GRM1: variants seen among roughly 807,000 people sequenced by gnomAD.
The protein encoded by GRM1 is metabotropic glutamate receptor 1.
In GRM1, 33 loss-of-function variants were observed where a neutral mutation model predicts 90.9. The ratio of observed to expected loss-of-function variants is 0.36; its 90% CI spans 0.28 to 0.49. The LOEUF (loss-of-function observed/expected upper bound fraction) is 0.49, where lower values mean the gene tolerates loss of function less well. Ranked by LOEUF, GRM1 falls within the 20% of genes least tolerant of loss-of-function variation. The pLI is 0.99. For synonymous variants in GRM1, 700 were observed against 613.2 expected (o/e 1.14, Z -2.09); for missense variants, 1,190 against 1,534.3 (o/e 0.78, Z 3.75).
At chr6:146,356,303 G>A (rs577276192) in intron 4 of GRM1, among the ~76,000 whole-genome samples, 23 of 152,266 alleles carry the variant, frequency 1.5e-4, no homozygotes, top group South Asian at 2.1e-4. Flanking sequence ...AATGTCTTGC[G>A]CACAGTCCTG....
At position 146,399,625 on chromosome 6, in the gene GRM1, T is replaced by C. The variant is rs773909784; in HGVS notation, c.2586T>C (p.Asp862=). 6.8e-6 allele frequency: 11 copies of C among 1,613,806 alleles called. No individual in the cohort carries two copies. The highest frequency in any genetic ancestry group is 4.0e-5 in the African/African-American group (3 of 74,922). The change falls in exon 7 of 8, where the codon GAT becomes GAC. Residue 862 remains aspartate, a synonymous_variant. Transcript: ENST00000282753. This position sits in a 1 kb window ranked among gnomAD's most constrained non-coding sequence, Gnocchi z 5.4. ...TSDVVRMHVG[D]GKLPCRSNTF... is the part of the protein sequence containing the mutation. ...ATGTTGTCCGCATGCATGTTGGCGATGGCAAGCTGCCCTGCCGCTCCAACA... is the reference window on the plus strand; with the variant it reads ...ATGTTGTCCGCATGCATGTTGGCGACGGCAAGCTGCCCTGCCGCTCCAACA...
At chr6:146,275,456 C>T (rs1009989499) in intron 2 of GRM1, among the ~76,000 whole-genome samples, 42 of 152,094 alleles carry the variant, frequency 2.8e-4, no homozygotes, top group African/African-American at 6.5e-4. Flanking sequence ...TTCATGGACT[C>T]CTCAATCTCT....
At chr6:146,049,651 A>ATATCTATCTATCTATC (rs143624231) in intron 1 of GRM1, among the ~76,000 whole-genome samples, 1 of 147,472 alleles carries the variant, frequency 6.8e-6, no homozygotes, top group African/African-American at 2.5e-5. Context: ...ACCTCCTTTC[A>ATATCTATCTATCTATC]TATCTATCTA....
chr6:146,348,089 T>C (rs1785248461), intron 3 of GRM1, among the ~76,000 whole-genome samples: 1 of 152,236 alleles, frequency 6.6e-6, no homozygotes, highest in Non-Finnish European at 1.5e-5. Context: ...AATGATATCC[T>C]AGTGGTCCCA....
chr6:146,071,443 C>T (rs1041169780), intron 1 of GRM1, among the ~76,000 whole-genome samples: 11 of 152,164 alleles, frequency 7.2e-5, no homozygotes, highest in Non-Finnish European at 1.3e-4. Flanking sequence ...GCATTATCAA[C>T]TTCATGCTTA....
At chr6:146,389,734 T>C (rs1444720051) in intron 6 of GRM1, among the ~76,000 whole-genome samples, 1 of 152,158 alleles carries the variant, frequency 6.6e-6, no homozygotes, top group African/African-American at 2.4e-5. Flanking sequence ...ACAACAGGCA[T>C]GCAGCTGCGA....
chr6:146,218,499 T>A (rs1270198669), intron 2 of GRM1, among the ~76,000 whole-genome samples: 1 of 152,160 alleles, frequency 6.6e-6, no homozygotes, highest in African/African-American at 2.4e-5. Flanking sequence ...CTAAGGAAAC[T>A]TTGCAAAATC....
At chr6:146,317,029 C>T (rs1783998274) in intron 3 of GRM1, among the ~76,000 whole-genome samples, 1 of 152,196 alleles carries the variant, frequency 6.6e-6, no homozygotes, top group Admixed American at 6.5e-5. Flanking sequence ...GCCTCGCCTT[C>T]CAGACTTACT....
chr6:146,036,504 C>T (rs1479703160), intron 1 of GRM1, among the ~76,000 whole-genome samples: 1 of 151,876 alleles, frequency 6.6e-6, no homozygotes, highest in South Asian at 2.1e-4. Flanking sequence ...TAATTGTTCT[C>T]TATGAATGTC....
At chr6:146,244,819 G>A (rs923789089) in intron 2 of GRM1, among the ~76,000 whole-genome samples, 2 of 152,110 alleles carry the variant, frequency 1.3e-5, no homozygotes, top group African/African-American at 2.4e-5. Context: ...ACTCAGTTTG[G>A]GAAATAGAGC....
chr6:146,101,778 A>G (rs555248716), intron 1 of GRM1, among the ~76,000 whole-genome samples: 1 of 150,226 alleles, frequency 6.7e-6, no homozygotes, highest in South Asian at 2.1e-4. Context: ...CTATACTTAT[A>G]GCTATAATTA....
Position 146,436,643 on chromosome 6 carries a change from A to T in GRM1, c.*1847A>T, listed in dbSNP as rs1778603789. 1 of 152,528 alleles carries T rather than the reference A, an allele frequency of 6.6e-6. No homozygotes were observed. Among genetic ancestry groups the T allele is most frequent in the Non-Finnish European group, 1.5e-5 (1 of 67,998 alleles). The allele number at this position is 152,528 out of a possible 1,614,324, so 9.4% of individuals were successfully genotyped here. On this transcript the variant is annotated 3_prime_UTR_variant, in exon 8 of 8. Transcript: ENST00000282753. ...ATTTGCTGTTGTGTAATATCCATGG[A>T]CATGTAATCCACTTACTCCATCTTT... is the stretch of plus-strand genomic sequence containing the variant.
At chr6:146,129,204 G>A (rs2128879711) in intron 1 of GRM1, among the ~76,000 whole-genome samples, 1 of 152,134 alleles carries the variant, frequency 6.6e-6, no homozygotes, top group African/African-American at 2.4e-5. Context: ...TAACCAAATA[G>A]CAATATATGT....
intron 1 of GRM1, among the ~76,000 whole-genome samples, chr6:146,109,910 G>A (rs1324294682): frequency 2.0e-5 from 3 of 152,188 alleles, no homozygotes; most frequent in Non-Finnish European, 4.4e-5. Flanking sequence ...CATGGGGCCT[G>A]TAGCCCCTTG....
chr6:146,236,770 G>A (rs1255243284), intron 2 of GRM1, among the ~76,000 whole-genome samples: 5 of 150,846 alleles, frequency 3.3e-5, no homozygotes, highest in Non-Finnish European at 7.4e-5. Flanking sequence ...AGAGATAGGA[G>A]AGAAGGATCC....
chr6:146,269,934 A>G (rs1412879456), intron 2 of GRM1, among the ~76,000 whole-genome samples: 1 of 151,976 alleles, frequency 6.6e-6, no homozygotes, highest in East Asian at 1.9e-4. Context: ...TACTTGCTAA[A>G]CAGGATTAAA....
intron 2 of GRM1, among the ~76,000 whole-genome samples, chr6:146,169,140 T>C (rs1384031258): frequency 6.6e-6 from 1 of 152,168 alleles, no homozygotes; most frequent in Non-Finnish European, 1.5e-5. Context: ...TCTTTTACAT[T>C]TTCAACAGTT....
chr6:146,029,673 A>G lies in GRM1; in HGVS notation c.156A>G (p.Ser52=). Residue 52 remains serine, a synonymous_variant, in exon 1 of 8, where the codon TCA becomes TCG. Transcript: ENST00000282753. ...ATGTCATCATTGGAGCCCTCTTCTC[A>G]GTCCATCACCAGCCTCCGGCCGAGA... ...DGDVIIGALF[S]VHHQPPAEKV... 6.2e-7 allele frequency: 1 copy of G among 1,614,146 alleles called. No homozygotes were observed. Among genetic ancestry groups the G allele is most frequent in the Non-Finnish European group, 8.5e-7 (1 of 1,180,038 alleles).
intron 2 of GRM1, among the ~76,000 whole-genome samples, chr6:146,269,511 T>C (rs1483359068): frequency 6.6e-6 from 1 of 152,190 alleles, no homozygotes; most frequent in Non-Finnish European, 1.5e-5. Context: ...ATTACCAAGA[T>C]GTTTTATAGC....
Sources: allele counts gnomAD v4.1 joint callset (sites outside exome capture counted in the v4.1 genomes callset), GRCh38; gene constraint gnomAD v4.1.1; non-coding constraint Gnocchi (gnomAD v3.1); transcripts MANE v1.5; gene names NCBI Gene and HGNC (gene_info 2026-07-23, HGNC 2026-07-21).